Variants in THSD7A observed in about 807,000 individuals in gnomAD.
THSD7A encodes the protein thrombospondin type-1 domain-containing protein 7A.
A neutral mutation model predicts 231.3 loss-of-function variants in THSD7A; 96 were observed. That is an observed-to-expected ratio of 0.41 (90% CI 0.35 to 0.49). The LOEUF (loss-of-function observed/expected upper bound fraction) is 0.49. Ranked by LOEUF, THSD7A falls within the 20% of genes least tolerant of loss-of-function variation. The pLI is 0.05. For missense variants in THSD7A, 2,290 were observed against 2,070.2 expected (o/e 1.11, Z -2.06); for synonymous variants, 940 against 743.3 (o/e 1.26, Z -4.30).
At chr7:11,554,189 C>T (rs971183020) in intron 4 of THSD7A, among the ~76,000 whole-genome samples, 1 of 151,918 alleles carries the variant, frequency 6.6e-6, no homozygotes, top group African/African-American at 2.4e-5. Flanking sequence ...TATCCTTATT[C>T]AGAAATAAGG....
intron 6 of THSD7A, among the ~76,000 whole-genome samples, chr7:11,513,356 AT>A (rs1787897574): frequency 6.6e-6 from 1 of 151,264 alleles, no homozygotes; most frequent in African/African-American, 2.4e-5. Flanking sequence ...CTTTTCAAGA[AT>A]AAAAAAAACC....
At chr7:11,776,379 A>G (rs1351870671) in intron 1 of THSD7A, among the ~76,000 whole-genome samples, 2 of 152,342 alleles carry the variant, frequency 1.3e-5, no homozygotes, top group Non-Finnish European at 2.9e-5. Context: ...CAATGCCTGC[A>G]AGGAAAATGT....
At chr7:11,523,129 C>T (rs1005470082) in intron 6 of THSD7A, among the ~76,000 whole-genome samples, 9 of 152,052 alleles carry the variant, frequency 5.9e-5, no homozygotes, top group African/African-American at 2.2e-4. Flanking sequence ...ATTTTCAGTT[C>T]TATATTGCTT....
chr7:11,609,992 G>T (rs1347893496), intron 2 of THSD7A, among the ~76,000 whole-genome samples: 1 of 151,992 alleles, frequency 6.6e-6, no homozygotes, highest in East Asian at 1.9e-4. Context: ...TTATAACATG[G>T]TTGTGAAAAT....
rs987275762 is a variant in THSD7A at position 11,411,416 on chromosome 7, A to C, written c.3683-94T>G. On this transcript the variant is annotated intron_variant, in intron 18 of 27. Transcript: ENST00000423059. This position sits in a 1 kb window ranked among gnomAD's most constrained non-coding sequence, Gnocchi z 4.1. Reference sequence around the variant, plus strand: ...GACCTGAATCCCATATTTAATTCACAACTGCTTCCTAAGCCCCATAATCAA... The same window carrying C: ...GACCTGAATCCCATATTTAATTCACCACTGCTTCCTAAGCCCCATAATCAA... 2.9e-5 allele frequency: 23 copies of C among 799,806 alleles called. No individual in the cohort carries two copies. Among genetic ancestry groups the C allele is most frequent in the Non-Finnish European group, 4.7e-5 (23 of 491,868 alleles). 49.5% of individuals were successfully genotyped at this position (799,806 alleles called of 1,614,324 possible). A position where few individuals can be genotyped will look rare whatever the true frequency, so the allele number is the denominator to read the frequency against.
intron 1 of THSD7A, among the ~76,000 whole-genome samples, chr7:11,741,969 G>A (rs917710537): frequency 6.6e-6 from 1 of 151,862 alleles, no homozygotes; most frequent in Non-Finnish European, 1.5e-5. Context: ...ATAGATGTGG[G>A]TACTGATCCT....
chr7:11,804,413 C>T (rs796332230), intron 1 of THSD7A, among the ~76,000 whole-genome samples: 4 of 152,164 alleles, frequency 2.6e-5, no homozygotes, highest in South Asian at 2.1e-4. Flanking sequence ...TGATGAGTTT[C>T]GAAGTTATCA....
At chr7:11,765,425 A>G (rs1035733357) in intron 1 of THSD7A, among the ~76,000 whole-genome samples, 2 of 152,200 alleles carry the variant, frequency 1.3e-5, no homozygotes, top group African/African-American at 4.8e-5. Flanking sequence ...TACCAGTACG[A>G]TAGGTTACCA....
At chr7:11,545,602 C>T (rs1446652387) in intron 4 of THSD7A, among the ~76,000 whole-genome samples, 1 of 152,070 alleles carries the variant, frequency 6.6e-6, no homozygotes, top group Non-Finnish European at 1.5e-5. Context: ...GGCTACTGAG[C>T]ATCAAGATCC....
rs371219580 is a variant in THSD7A at position 11,691,905 on chromosome 7, A to G, written c.191-54944T>C. On this transcript the variant is annotated intron_variant, in intron 1 of 27. Coordinates refer to ENST00000423059, the MANE Select transcript of THSD7A (RefSeq NM_015204.3). ...TACCATTCTCAGGAAATAATATATA[A>G]CATTCAGATACCAAATAATAATTCA... 3.3e-5 allele frequency among the ~76,000 whole-genome samples: 5 copies of G among 151,568 alleles called. No homozygotes were observed. In the East Asian group the frequency reaches 5.9e-4, roughly 18 times the overall value.
At chr7:11,679,293 C>A (rs1783771989) in intron 1 of THSD7A, among the ~76,000 whole-genome samples, 1 of 152,140 alleles carries the variant, frequency 6.6e-6, no homozygotes, top group African/African-American at 2.4e-5. Context: ...CAGCACAAGA[C>A]AAGGATGCCC....
rs1786098171 is a variant in THSD7A, at chr7:11,474,991, G to C, written c.2018-423C>G. ...ATTTCAATAAGCAGAATTCTGGGAA[G>C]GGACAGAAGGAAAAGAGAATAGTAT... On this transcript the variant is annotated intron_variant, in intron 7 of 27. Coordinates refer to ENST00000423059, the MANE Select transcript of THSD7A (RefSeq NM_015204.3). The surrounding 1 kb of genome is among the most constrained non-coding windows in gnomAD (Gnocchi z 4.1). Among the ~76,000 whole-genome samples the C allele has an allele frequency of 6.6e-6, 1 of 152,098 alleles. No homozygotes were observed. The highest frequency in any genetic ancestry group is 2.4e-5 in the African/African-American group (1 of 41,422).
At chr7:11,559,506 C>CAT (rs576986426) in intron 4 of THSD7A, among the ~76,000 whole-genome samples, 1,055 of 43,922 alleles carry the variant, frequency 0.024, 7 homozygotes, top group Non-Finnish European at 0.039. Context: ...CATACATATA[C>CAT]ATATATATAA....
intron 26 of THSD7A, 74 bp from the exon 27 acceptor site, chr7:11,376,731 T>C: frequency 8.7e-7 from 1 of 1,142,950 alleles, no homozygotes; most frequent in South Asian, 1.4e-5. Context: ...CTATGACCAA[T>C]GATCAGTCAT....
chr7:11,720,150 T>A (rs891004321), intron 1 of THSD7A, among the ~76,000 whole-genome samples: 1 of 151,732 alleles, frequency 6.6e-6, no homozygotes, highest in African/African-American at 2.4e-5. Context: ...CTTTCACCAC[T>A]GCCCCTAGAA....
intron 22 of THSD7A, among the ~76,000 whole-genome samples, chr7:11,403,737 C>T (rs1274068225): frequency 6.6e-6 from 1 of 151,994 alleles, no homozygotes; most frequent in Non-Finnish European, 1.5e-5. Flanking sequence ...AATTTTCGCC[C>T]CTAAGTAATA....
In THSD7A at chr7:11,831,836, C is replaced by CAGG; in HGVS notation, c.110_111insCCT (p.Leu40dup). 6 of 1,397,234 alleles carry CAGG rather than the reference C, an allele frequency of 4.3e-6. No homozygotes were observed. The South Asian group carries it at 5.3e-5, about 12-fold the overall frequency. The allele number at this position is 1,397,234 out of a possible 1,614,324, so 86.6% of individuals were successfully genotyped here. A position where few individuals can be genotyped will look rare whatever the true frequency, so the allele number is the denominator to read the frequency against. On this transcript the variant is annotated inframe_insertion, in exon 1 of 28. Transcript: ENST00000423059. The surrounding 1 kb of genome is among the most constrained non-coding windows in gnomAD (Gnocchi z 5.0). ...TGCCGGCGCCCGGGCGTAGCAGCAG[C>CAGG]AGCAGGAGCAGCGGCAGCGGCAGCG...
At chr7:11,574,170 C>A (rs1001651714) in intron 4 of THSD7A, among the ~76,000 whole-genome samples, 1 of 152,138 alleles carries the variant, frequency 6.6e-6, no homozygotes, top group Non-Finnish European at 1.5e-5. Context: ...CATTATTACC[C>A]AGTTATTCTC....
chr7:11,818,130 T>C lies in THSD7A; in HGVS notation c.190+13627A>G, dbSNP rs148450517. 2.6e-4 allele frequency among the ~76,000 whole-genome samples: 39 copies of C among 152,300 alleles called. No individual in the cohort carries two copies. In the East Asian group the frequency reaches 7.2e-3, roughly 28 times the overall value. On this transcript the variant is annotated intron_variant, in intron 1 of 27. Transcript: ENST00000423059. ...TGATACCACTTCTTCTCTGGTGCAA[T>C]AGAGAACATACCTACAAACACATCC...
Sources: gnomAD v4.1 joint callset for allele counts (sites outside exome capture counted in the v4.1 genomes callset) on GRCh38, gnomAD v4.1.1 for gene constraint, Gnocchi (gnomAD v3.1) non-coding constraint, MANE v1.5 for transcripts, NCBI Gene and HGNC (gene_info 2026-07-23, HGNC 2026-07-21) for gene names.